Variants in PCDHGB1 observed in about 807,000 individuals in gnomAD.
The protein encoded by PCDHGB1 is protocadherin gamma subfamily B, 1.
PCDHGB1 carries 34 observed loss-of-function variants against 56.6 expected under a neutral mutation model. That is an observed-to-expected ratio of 0.60 (90% CI 0.46 to 0.80). The LOEUF (loss-of-function observed/expected upper bound fraction) is 0.80, where lower values mean the gene tolerates loss of function less well. Ranked by LOEUF, PCDHGB1 falls within the 30% of genes least tolerant of loss-of-function variation. The probability of loss-of-function intolerance (pLI) is 0.00; values close to 1 mark genes in which losing one functional copy is unlikely to be tolerated. For missense variants in PCDHGB1, 1,278 were observed against 1,204.6 expected (o/e 1.06, Z -0.90); for synonymous variants, 561 against 505.9 (o/e 1.11, Z -1.46).
Position 141,432,617 on chromosome 5 carries a change from G to A in PCDHGB1, c.2410-62190G>A. The A allele has an allele frequency of 6.2e-7, 1 of 1,613,694 alleles. No individual in the cohort carries two copies. Among genetic ancestry groups the A allele is most frequent in the South Asian group, 1.1e-5 (1 of 91,044 alleles). On this transcript the variant is annotated intron_variant, in intron 1 of 3. Coordinates refer to ENST00000523390, the MANE Select transcript of PCDHGB1 (RefSeq NM_018922.3). This position sits in a 1 kb window ranked among gnomAD's most constrained non-coding sequence, Gnocchi z 6.0. ...CAGCGAGCCGGGACTCTTCTCGGTGGGTCTGCACACGGGCGAGGTGCGCAC... is the reference window on the plus strand; with the variant it reads ...CAGCGAGCCGGGACTCTTCTCGGTGAGTCTGCACACGGGCGAGGTGCGCAC...
At chr5:141,414,472 A>C (rs1039987036) in intron 1 of PCDHGB1, 5 of 1,613,796 alleles carry the variant, frequency 3.1e-6, no homozygotes, top group African/African-American at 1.3e-5. Flanking sequence ...AGATGGGGGA[A>C]GTCCTCCTCT....
chr5:141,361,814 C>T, intron 1 of PCDHGB1: 1 of 1,613,112 alleles, frequency 6.2e-7, no homozygotes, highest in Non-Finnish European at 8.5e-7. Flanking sequence ...GACAATGCGC[C>T]ACGGGTGCTG....
chr5:141,361,770 C>T, intron 1 of PCDHGB1: 1 of 1,613,188 alleles, frequency 6.2e-7, no homozygotes. Flanking sequence ...TCAGCGCCAA[C>T]GTGAGCCTGC....
intron 1 of PCDHGB1, chr5:141,398,504 T>C: frequency 6.2e-7 from 1 of 1,611,098 alleles, no homozygotes; most frequent in Admixed American, 1.7e-5. Flanking sequence ...ATCGAGGACA[T>C]TAATGACCAC....
chr5:141,451,322 T>C (rs1452969719), intron 1 of PCDHGB1, among the ~76,000 whole-genome samples: 1 of 152,236 alleles, frequency 6.6e-6, no homozygotes, highest in African/African-American at 2.4e-5. Flanking sequence ...AAGTGTCACC[T>C]AAGGCTATTG....
At chr5:141,406,474 T>TA (rs1309995681) in intron 1 of PCDHGB1, among the ~76,000 whole-genome samples, 1 of 152,248 alleles carries the variant, frequency 6.6e-6, no homozygotes, top group Non-Finnish European at 1.5e-5. Flanking sequence ...TCTTTGAGGT[T>TA]ATATTTTTCA....
At position 141,489,295 on chromosome 5, in the gene PCDHGB1, T is replaced by C. The variant is rs2099685128; in HGVS notation, c.2410-5512T>C. 1.3e-6 allele frequency: 2 copies of C among 1,581,054 alleles called. No individual in the cohort carries two copies. The highest frequency in any genetic ancestry group is 1.7e-5 in the Admixed American group (1 of 57,148). ...TGGGAAATGGCAAGTGCTGTGCATG[T>C]TGTCCTTGTGCTGCTGGGGCTGGGT... On this transcript the variant is annotated intron_variant, in intron 1 of 3. Transcript: ENST00000523390. The surrounding 1 kb of genome is among the most constrained non-coding windows in gnomAD (Gnocchi z 4.5).
At position 141,381,826 on chromosome 5, in the gene PCDHGB1, C is replaced by CTTTTTTT. The variant is rs770630741; in HGVS notation, c.2409+29173_2409+29179dup. Among the ~76,000 whole-genome samples the CTTTTTTT allele has an allele frequency of 1.4e-3, 102 of 74,248 alleles. 2 individuals are homozygous for CTTTTTTT. The highest frequency in any genetic ancestry group is 1.7e-3 in the Non-Finnish European group (71 of 42,360). The allele number at this position is 74,248 out of a possible 152,430, so 48.7% of individuals were successfully genotyped here. ...TTTCTTTCTTTCTTTCTTTCTTCTT[C>CTTTTTTT]TTTTTTTTTTTTTTTTTTTTTTGGC... On this transcript the variant is annotated intron_variant, in intron 1 of 3. Transcript: ENST00000523390.
At chr5:141,444,918 C>T (rs1197922745) in intron 1 of PCDHGB1, among the ~76,000 whole-genome samples, 1 of 152,106 alleles carries the variant, frequency 6.6e-6, no homozygotes, top group Non-Finnish European at 1.5e-5. Flanking sequence ...ATACCTTTAT[C>T]AGGGAAAGAG....
At position 141,351,804 on chromosome 5, in the gene PCDHGB1, C is replaced by A. The variant is rs752529043; in HGVS notation, c.1544C>A (p.Ala515Asp). The change falls in exon 1 of 4, where the codon GCC becomes GAC. Residue 515 changes from alanine to aspartate, a missense_variant. Physicochemically the swap from Ala to Asp is moderately radical, Grantham distance 126. Coordinates refer to ENST00000523390, the MANE Select transcript of PCDHGB1 (RefSeq NM_018922.3). ...PQSGVVFAQR[A>D]FDHEQLRAFE... is the part of the protein sequence containing the mutation. ...AGCGGGGTGGTGTTCGCGCAGCGCG[C>A]CTTCGACCACGAGCAGCTGCGCGCC... 6.2e-7 allele frequency: 1 copy of A among 1,613,328 alleles called. No homozygotes were observed. The highest frequency in any genetic ancestry group is 1.1e-5 in the South Asian group (1 of 91,074).
chr5:141,420,494 C>A (rs978136090), intron 1 of PCDHGB1: 1 of 499,510 alleles, frequency 2.0e-6, no homozygotes, highest in Non-Finnish European at 3.1e-6. Context: ...GGGTAATCTC[C>A]GGTGACATTT....
intron 1 of PCDHGB1, chr5:141,420,092 G>A: frequency 1.2e-6 from 2 of 1,614,020 alleles, no homozygotes; most frequent in Non-Finnish European, 1.7e-6. Flanking sequence ...CAACTACAGT[G>A]AGGGAACGTT....
chr5:141,466,746 T>C (rs1035272591), intron 1 of PCDHGB1, among the ~76,000 whole-genome samples: 1 of 152,224 alleles, frequency 6.6e-6, no homozygotes, highest in African/African-American at 2.4e-5. Context: ...GTTACTCTGA[T>C]AGGGGCTCTT....
chr5:141,418,840 C>G, intron 1 of PCDHGB1: 1 of 1,614,006 alleles, frequency 6.2e-7, no homozygotes. Flanking sequence ...GAGGATCTCT[C>G]TCAACACGGT....
rs780664832 is a variant in PCDHGB1 at position 141,422,982 on chromosome 5, T to C, written c.2409+70313T>C. On this transcript the variant is annotated intron_variant, in intron 1 of 3. Coordinates refer to ENST00000523390, the MANE Select transcript of PCDHGB1 (RefSeq NM_018922.3). ...AGCTGGCGCCCCGCTCTGCGGAACC[T>C]GGCTACCTGGTGACCAAGGTGGTTG... 2.5e-6 allele frequency: 4 copies of C among 1,614,206 alleles called. No individual in the cohort carries two copies. The South Asian group carries it at 4.4e-5, about 18-fold the overall frequency.
At chr5:141,505,983 C>G (rs1235662535) in intron 3 of PCDHGB1, among the ~76,000 whole-genome samples, 1 of 152,148 alleles carries the variant, frequency 6.6e-6, no homozygotes, top group Non-Finnish European at 1.5e-5. Context: ...GAGAGAACAC[C>G]TCCTCTTTAT....
chr5:141,490,796 A>G lies in PCDHGB1; in HGVS notation c.2410-4011A>G. ...CCAGAGGATGGACGGATCTTTGCCC[A>G]GCGTACCTTTGACTATGAATTGCTG... On this transcript the variant is annotated intron_variant, in intron 1 of 3. Coordinates refer to ENST00000523390, the MANE Select transcript of PCDHGB1 (RefSeq NM_018922.3). The surrounding 1 kb of genome is among the most constrained non-coding windows in gnomAD (Gnocchi z 5.4). The G allele has an allele frequency of 6.2e-7, 1 of 1,613,978 alleles. No individual in the cohort carries two copies. The highest frequency in any genetic ancestry group is 8.5e-7 in the Non-Finnish European group (1 of 1,179,904).
Position 141,500,251 on chromosome 5 carries a change from C to T in PCDHGB1, c.2469-5142C>T, listed in dbSNP as rs187199142. Among the ~76,000 whole-genome samples, 1,493 of 151,438 alleles carry T rather than the reference C, an allele frequency of 9.9e-3. 32 individuals are homozygous for T. Among genetic ancestry groups the T allele is most frequent in the African/African-American group, 0.035 (1,426 of 41,214 alleles). Reference sequence around the variant, plus strand: ...TGATACGTAGCCTTGCTCTGTCACCCAGGCTGGACTGCAGTGGCGCAATCT... The same window carrying T: ...TGATACGTAGCCTTGCTCTGTCACCTAGGCTGGACTGCAGTGGCGCAATCT... On this transcript the variant is annotated intron_variant, in intron 2 of 3. Coordinates refer to ENST00000523390, the MANE Select transcript of PCDHGB1 (RefSeq NM_018922.3).
At chr5:141,364,229 C>T in intron 1 of PCDHGB1, 1 of 1,388,080 alleles carries the variant, frequency 7.2e-7, no homozygotes, top group Non-Finnish European at 9.6e-7. Context: ...GCCAACGCTC[C>T]ACGCCCATTT....
Sources: gnomAD v4.1 joint callset for allele counts (sites outside exome capture counted in the v4.1 genomes callset) on GRCh38, gnomAD v4.1.1 for gene constraint, Gnocchi (gnomAD v3.1) non-coding constraint, MANE v1.5 for transcripts, NCBI Gene and HGNC (gene_info 2026-07-23, HGNC 2026-07-21) for gene names.